The following CLPTM1 variants were observed in gnomAD, a reference collection of about 807,000 sequenced individuals.
The protein encoded by CLPTM1 is CLPTM1 regulator of GABA type A receptor forward trafficking, also known as putative lipid scramblase CLPTM1.
Under a neutral mutation model 77.3 loss-of-function variants are expected in CLPTM1, and 21 were observed. That is an observed-to-expected ratio of 0.27 (90% confidence interval 0.19 to 0.39). The LOEUF is 0.39. CLPTM1 is among the 10% of genes least tolerant of loss of function. The pLI, the probability that CLPTM1 is intolerant of heterozygous loss-of-function variation, is 1.00. For synonymous variants in CLPTM1, 373 were observed against 381.0 expected, an observed-to-expected ratio of 0.98 and a Z score of 0.24; for missense variants, 642 against 921.2, an observed-to-expected ratio of 0.70 and a Z score of 3.92.
chr19:44,954,743 C>G (rs1041305067), upstream of CLPTM1: 13 of 1,310,174 alleles, frequency 9.9e-6, no homozygotes, highest in African/African-American at 1.2e-4. Context: ...CTAGGCAGGG[C>G]AGTCCGAAGG....
At chr19:44,977,553 G>C in intron 5 of CLPTM1, 93 bp downstream of exon 5, 1 of 984,280 alleles carries the variant, frequency 1.0e-6, no homozygotes, top group South Asian at 1.3e-5. Flanking sequence ...CCCAAGTCCA[G>C]GAGGGCAGGC....
intron 6 of CLPTM1, among the ~76,000 whole-genome samples, chr19:44,985,850 G>A (rs114780374): frequency 0.012 from 1,762 of 152,036 alleles, 34 homozygotes; most frequent in African/African-American, 0.038. Context: ...TGAGGCCACC[G>A]TGCAAGAGTG....
intron 2 of CLPTM1, 75 bp from the exon 3 acceptor site, chr19:44,973,012 C>A: frequency 6.3e-7 from 1 of 1,577,934 alleles, no homozygotes; most frequent in South Asian, 1.1e-5. Flanking sequence ...TGTGCTAAGT[C>A]AGAAGGAAGT....
chr19:44,971,690 C>G (rs758226683), intron 2 of CLPTM1, among the ~76,000 whole-genome samples: 1 of 151,752 alleles, frequency 6.6e-6, no homozygotes, highest in Non-Finnish European at 1.5e-5. Flanking sequence ...CCCCAAGTAG[C>G]TGGGACTACA....
At chr19:44,969,395 T>C (rs1037600185) in intron 2 of CLPTM1, among the ~76,000 whole-genome samples, 7 of 152,160 alleles carry the variant, frequency 4.6e-5, no homozygotes, top group Non-Finnish European at 8.8e-5. Flanking sequence ...ATCATACCTA[T>C]AATTAATAAG....
At position 44,993,039 on chromosome 19, in the gene CLPTM1, G is replaced by T; in HGVS notation, c.*142G>T. 9.5e-7 allele frequency: 1 copy of T among 1,048,158 alleles called. No homozygotes were observed. Among genetic ancestry groups the T allele is most frequent in the Non-Finnish European group, 1.4e-6 (1 of 697,214 alleles). 64.9% of individuals were successfully genotyped at this position (1,048,158 alleles called of 1,614,324 possible). ...GGCCCGCCTCAGGTCAGGGCCCAGC[G>T]TGTGATGTAGGGGCCGGGGCAGGCC... is the stretch of plus-strand genomic sequence containing the variant. On this transcript the variant is annotated 3_prime_UTR_variant, in exon 14 of 14. Coordinates refer to ENST00000337392, the MANE Select transcript of CLPTM1 (RefSeq NM_001294.4).
intron 1 of CLPTM1, among the ~76,000 whole-genome samples, chr19:44,956,525 A>G (rs1227353596): frequency 6.6e-6 from 1 of 152,220 alleles, no homozygotes; most frequent in Non-Finnish European, 1.5e-5. Flanking sequence ...AATTTGTGTG[A>G]TAGAGCCCAC....
chr19:44,993,153 A>T lies in CLPTM1; in HGVS notation c.*256A>T, dbSNP rs775209700. The T allele has an allele frequency of 4.2e-5, 18 of 433,666 alleles. No individual in the cohort carries two copies. The African/African-American group carries it at 4.4e-4, about 11-fold the overall frequency. 26.9% of individuals were successfully genotyped at this position (433,666 alleles called of 1,614,324 possible). ...TGCCAGCCCAGCACCACTGGGAATC[A>T]TGGTGAAGCTGATGCAGCGTTGCCG... is the stretch of plus-strand genomic sequence containing the variant. On this transcript the variant is annotated 3_prime_UTR_variant, in exon 14 of 14. Coordinates refer to ENST00000337392, the MANE Select transcript of CLPTM1 (RefSeq NM_001294.4).
At position 44,955,475 on chromosome 19, in the gene CLPTM1, G is replaced by T; in HGVS notation, c.72+8G>T. On this transcript the variant is annotated splice_region_variant and intron_variant, in intron 1 of 13. Transcript: ENST00000337392. ...GGAGGCAGCTCCGGTCAGGTACGGA[G>T]GCCGAGAGGGGACTGAGGGGGTTCT... is the stretch of plus-strand genomic sequence containing the variant. 7.6e-7 allele frequency: 1 copy of T among 1,312,516 alleles called. No individual in the cohort carries two copies. The highest frequency in any genetic ancestry group is 2.6e-5 in the South Asian group (1 of 38,190). 81.3% of individuals were successfully genotyped at this position (1,312,516 alleles called of 1,614,324 possible).
At chr19:44,979,365 G>A (rs925206456) in intron 5 of CLPTM1, among the ~76,000 whole-genome samples, 8 of 152,164 alleles carry the variant, frequency 5.3e-5, no homozygotes, top group African/African-American at 1.4e-4. Context: ...CTGTTTGAGC[G>A]GAGCTGGAGA....
intron 2 of CLPTM1, among the ~76,000 whole-genome samples, chr19:44,971,047 T>G (rs997472036): frequency 2.0e-5 from 3 of 151,108 alleles, no homozygotes; most frequent in Non-Finnish European, 4.4e-5. Flanking sequence ...GCCAGGCTGG[T>G]CTTGAACTCC....
intron 2 of CLPTM1, among the ~76,000 whole-genome samples, chr19:44,968,519 T>C (rs1264607940): frequency 2.6e-5 from 4 of 152,208 alleles, no homozygotes; most frequent in African/African-American, 9.7e-5. Flanking sequence ...CTTACTCAAG[T>C]ACATCAGGAA....
At chr19:44,972,977 A>T in intron 2 of CLPTM1, 110 bp from the exon 3 acceptor site, 1 of 1,465,844 alleles carries the variant, frequency 6.8e-7, no homozygotes, top group Admixed American at 2.1e-5. Context: ...TGACTTGGTC[A>T]CTAGCCCCAG....
At chr19:44,972,651 TTTTC>T (rs895490168) in intron 2 of CLPTM1, among the ~76,000 whole-genome samples, 2 of 152,130 alleles carry the variant, frequency 1.3e-5, no homozygotes, top group African/African-American at 4.8e-5. Context: ...GTTTATTATT[TTTTC>T]TTTATTTCTT....
chr19:44,974,659 C>T (rs374715688), intron 4 of CLPTM1, 62 bp downstream of exon 4: 2 of 1,553,086 alleles, frequency 1.3e-6, no homozygotes. Flanking sequence ...GGACCTTTTC[C>T]TCCAGTCCGC....
At chr19:44,971,341 T>C (rs1970714476) in intron 2 of CLPTM1, among the ~76,000 whole-genome samples, 2 of 128,216 alleles carry the variant, frequency 1.6e-5, no homozygotes, top group South Asian at 2.5e-4. Context: ...ATATAAAATA[T>C]ATTGATATTT....
rs577924796 is a variant in CLPTM1 at position 44,961,956 on chromosome 19, C to G, written c.73-7C>G. 7 of 1,595,942 alleles carry G rather than the reference C, an allele frequency of 4.4e-6. No individual in the cohort carries two copies. In the African/African-American group the frequency reaches 8.1e-5, roughly 18 times the overall value. The stretch of plus-strand genomic sequence containing the variant: ...TCCCTCCTTACCCTGGCCTCTGTCC[C>G]CCACAGGTGACCAGCAATGGCAGCA... On this transcript the variant is annotated splice_polypyrimidine_tract_variant and splice_region_variant and intron_variant, in intron 1 of 13. Coordinates refer to ENST00000337392, the MANE Select transcript of CLPTM1 (RefSeq NM_001294.4).
intron 2 of CLPTM1, among the ~76,000 whole-genome samples, chr19:44,971,376 C>T (rs893048087): frequency 1.3e-5 from 2 of 152,012 alleles, no homozygotes; most frequent in East Asian, 3.8e-4. Flanking sequence ...TTTTATCAAG[C>T]TTTTCCAATT....
chr19:44,973,873 C>T (rs188514646), intron 3 of CLPTM1, among the ~76,000 whole-genome samples: 26 of 149,828 alleles, frequency 1.7e-4, no homozygotes, highest in Admixed American at 8.1e-4. Flanking sequence ...CAGTGATCCT[C>T]CTGCCTCAGC....
Sources: allele counts gnomAD v4.1 joint callset (sites outside exome capture counted in the v4.1 genomes callset), GRCh38; gene constraint gnomAD v4.1.1; transcripts MANE v1.5; gene names NCBI Gene and HGNC (gene_info 2026-07-23, HGNC 2026-07-21).